Variants in PRSS41 observed in about 807,000 individuals in gnomAD.
The protein encoded by PRSS41 is protease, serine 41.
Under a neutral mutation model 28.8 loss-of-function variants are expected in PRSS41, and 37 were observed. The observed-to-expected ratio is 1.29, with a 90% CI of 0.99 to 1.69. The LOEUF (loss-of-function observed/expected upper bound fraction) is 1.69. Ranked by LOEUF, PRSS41 falls within the 40% of genes most tolerant of loss-of-function variation. The pLI, the probability that PRSS41 is intolerant of heterozygous loss-of-function variation, is 0.00. For synonymous variants in PRSS41, 195 were observed against 163.1 expected (o/e 1.20, Z -1.49); for missense variants, 431 against 400.7 (o/e 1.08, Z -0.65).
chr16:2,804,892 G>A lies in PRSS41; in HGVS notation c.700-22G>A, dbSNP rs369899332. 1.3e-4 allele frequency: 200 copies of A among 1,559,018 alleles called. No individual in the cohort carries two copies. The African/African-American group carries it at 2.5e-3, about 19-fold the overall frequency. ...CCCCACCCACTCTGCCCCAGCCTGG[G>A]CTCACCCATGCTGCTCCCCAGGGTG... is the stretch of plus-strand genomic sequence containing the variant. On this transcript the variant is annotated intron_variant, in intron 5 of 5. Transcript: ENST00000399677.
intron 4 of PRSS41, among the ~76,000 whole-genome samples, 157 bp downstream of exon 4, chr16:2,799,726 G>A (rs569210760): frequency 1.3e-5 from 2 of 152,210 alleles, no homozygotes; most frequent in Non-Finnish European, 2.9e-5. Context: ...TTGCTTTTCT[G>A]CTCTCACTGC....
chr16:2,804,862 T>G, intron 5 of PRSS41, 52 bp from the exon 6 acceptor site: 1 of 1,418,928 alleles, frequency 7.0e-7, no homozygotes, highest in South Asian at 1.2e-5. Flanking sequence ...TCATGGCCTC[T>G]GCTGCCCCAC....
intron 4 of PRSS41, among the ~76,000 whole-genome samples, chr16:2,803,338 T>C (rs952245257): frequency 7.2e-5 from 11 of 152,204 alleles, no homozygotes; most frequent in African/African-American, 2.7e-4. Flanking sequence ...TTATTTTGCT[T>C]TGTTAGTGGT....
chr16:2,804,092 G>A (rs1445817827), intron 4 of PRSS41, among the ~76,000 whole-genome samples: 1 of 152,150 alleles, frequency 6.6e-6, no homozygotes, highest in Non-Finnish European at 1.5e-5. Context: ...TTCCTGCCAT[G>A]CTTTGGTTGA....
At chr16:2,802,849 A>G (rs2068998824) in intron 4 of PRSS41, among the ~76,000 whole-genome samples, 1 of 146,882 alleles carries the variant, frequency 6.8e-6, no homozygotes, top group South Asian at 2.1e-4. Context: ...TCCGCATGAG[A>G]GGGAGACCGT....
At chr16:2,802,028 C>G (rs1410443499) in intron 4 of PRSS41, among the ~76,000 whole-genome samples, 1 of 147,980 alleles carries the variant, frequency 6.8e-6, no homozygotes, top group Admixed American at 6.7e-5. Flanking sequence ...GCTGACCCCC[C>G]CCACCTCCCT....
At chr16:2,799,484 C>G in exon 4 of PRSS41, 1 of 1,552,156 alleles carries the variant, frequency 6.4e-7, no homozygotes, top group Non-Finnish European at 8.7e-7. Flanking sequence ...ACATCCAGCC[C>G]ATTTGCATCG....
At chr16:2,802,370 C>A (rs551246281) in intron 4 of PRSS41, among the ~76,000 whole-genome samples, 1 of 150,668 alleles carries the variant, frequency 6.6e-6, no homozygotes, top group Admixed American at 6.6e-5. Context: ...GGATGGCGGC[C>A]GGGCGGAGAC....
intron 4 of PRSS41, among the ~76,000 whole-genome samples, chr16:2,800,048 A>G (rs906915653): frequency 6.6e-6 from 1 of 152,250 alleles, no homozygotes; most frequent in South Asian, 2.1e-4. Context: ...CATTGTGTCA[A>G]CATCATGGAG....
At chr16:2,798,585 C>T (rs746784218) in intron 1 of PRSS41, 37 bp downstream of exon 1, 18 of 1,523,638 alleles carry the variant, frequency 1.2e-5, no homozygotes, top group African/African-American at 1.4e-5. Context: ...CCGGGGGCAG[C>T]GAGGAGGCCG....
chr16:2,802,765 G>T (rs1466797198), intron 4 of PRSS41, among the ~76,000 whole-genome samples: 1 of 152,206 alleles, frequency 6.6e-6, no homozygotes, highest in Non-Finnish European at 1.5e-5. Flanking sequence ...CAGGCACTCG[G>T]CAGGCTGAGG....
Position 2,799,033 on chromosome 16 carries a change from C to T in PRSS41, c.166C>T (p.Gln56Ter), listed in dbSNP as rs748148155. 197 of 1,532,410 alleles carry T rather than the reference C, an allele frequency of 1.3e-4. 1 individual carries two copies. The African/African-American group carries it at 2.3e-3, about 18-fold the overall frequency. 94.9% of individuals were successfully genotyped at this position (1,532,410 alleles called of 1,614,324 possible). ...GTCCGCGCGCGGGCGCTGGCCATGG[C>T]AGGCCAGCCTGCGCCTGAGGAGACG... is the stretch of plus-strand genomic sequence containing the variant. Residue 56 changes from glutamine (Q) to a stop codon, truncating the protein, a stop_gained, in exon 3 of 6, where the codon CAG becomes TAG. Transcript: ENST00000399677. LOFTEE classifies it high-confidence loss of function.
chr16:2,804,844 T>G, intron 5 of PRSS41, 70 bp from the exon 6 acceptor site: 1 of 1,220,376 alleles, frequency 8.2e-7, no homozygotes, highest in Non-Finnish European at 1.2e-6. Flanking sequence ...CCACAGCCCC[T>G]CCTGCTCTCA....
chr16:2,804,895 C>A lies in PRSS41; in HGVS notation c.700-19C>A, dbSNP rs1179834957. On this transcript the variant is annotated intron_variant, in intron 5 of 5. Transcript: ENST00000399677. ...CACCCACTCTGCCCCAGCCTGGGCTCACCCATGCTGCTCCCCAGGGTGACT... is the reference window on the plus strand; with the variant it reads ...CACCCACTCTGCCCCAGCCTGGGCTAACCCATGCTGCTCCCCAGGGTGACT... The A allele has an allele frequency of 1.3e-6, 2 of 1,561,050 alleles. No homozygotes were observed. Among genetic ancestry groups the A allele is most frequent in the Admixed American group, 1.9e-5 (1 of 52,910 alleles).
intron 4 of PRSS41, among the ~76,000 whole-genome samples, chr16:2,800,617 G>A (rs1197104845): frequency 3.3e-5 from 5 of 152,072 alleles, no homozygotes; most frequent in Non-Finnish European, 2.9e-5. Context: ...GGAGCTGGCT[G>A]GACTAGAAGT....
chr16:2,802,366 C>T (rs2068994584), intron 4 of PRSS41, among the ~76,000 whole-genome samples: 4 of 150,744 alleles, frequency 2.7e-5, no homozygotes, highest in African/African-American at 7.4e-5. Flanking sequence ...GATGGGATGG[C>T]GGCCGGGCGG....
intron 4 of PRSS41, among the ~76,000 whole-genome samples, chr16:2,801,975 C>G (rs1184346965): frequency 9.0e-5 from 13 of 144,302 alleles, no homozygotes; most frequent in Middle Eastern, 3.8e-3. Context: ...GGGGGCTGAC[C>G]CCCCCACCTC....
chr16:2,801,963 C>A, intron 4 of PRSS41, among the ~76,000 whole-genome samples: 1 of 144,144 alleles, frequency 6.9e-6, no homozygotes, highest in African/African-American at 2.6e-5. Flanking sequence ...GCTGGCCGGG[C>A]GGGGGGCTGA....
chr16:2,801,995 C>T (rs1394797098), intron 4 of PRSS41, among the ~76,000 whole-genome samples: 73 of 145,364 alleles, frequency 5.0e-4, no homozygotes, highest in African/African-American at 1.8e-3. Flanking sequence ...CCCTCCCGGA[C>T]GGGGCGGCTG....
Sources: allele counts gnomAD v4.1 joint callset (sites outside exome capture counted in the v4.1 genomes callset), GRCh38; gene constraint gnomAD v4.1.1; transcripts MANE v1.5; gene names NCBI Gene and HGNC (gene_info 2026-07-23, HGNC 2026-07-21).